Variants in GRIP1 observed in about 807,000 individuals in gnomAD.
GRIP1 encodes the protein glutamate receptor interacting protein 1.
GRIP1 carries 45 observed loss-of-function variants against 129.9 expected under a neutral mutation model. The ratio of observed to expected loss-of-function variants is 0.35; its 90% CI spans 0.27 to 0.44. GRIP1 has a LOEUF of 0.44. GRIP1 is among the 20% of genes least tolerant of loss of function. GRIP1 has a pLI of 1.00. For synonymous variants in GRIP1, 530 were observed against 520.8 expected, an observed-to-expected ratio of 1.02 and a Z score of -0.24; for missense variants, 1,196 against 1,396.8, an observed-to-expected ratio of 0.86 and a Z score of 2.29.
At chr12:66,681,325 C>A (rs1405654901), upstream of GRIP1, among the ~76,000 whole-genome samples, 4 of 152,152 alleles carry the variant, frequency 2.6e-5, no homozygotes, top group African/African-American at 9.7e-5. Flanking sequence ...AACCTTCTTG[C>A]CCTAAACCCT....
At chr12:66,524,884 A>G (rs1364709341) in intron 5 of GRIP1, among the ~76,000 whole-genome samples, 1 of 152,250 alleles carries the variant, frequency 6.6e-6, no homozygotes, top group Non-Finnish European at 1.5e-5. Context: ...AACTACCATC[A>G]GAGAATACTA....
chr12:66,626,475 T>C (rs2030065327), intron 1 of GRIP1: 1 of 152,050 alleles, frequency 6.6e-6, no homozygotes, highest in South Asian at 2.1e-4. Context: ...GCACAACAAA[T>C]AGTATAGTAT....
At chr12:66,830,480 C>T (rs2039496882) in intron 1 of GRIP1, among the ~76,000 whole-genome samples, 1 of 152,110 alleles carries the variant, frequency 6.6e-6, no homozygotes, top group African/African-American at 2.4e-5. Flanking sequence ...AAAGAGGAGG[C>T]ATGCAGGCAG....
intron 13 of GRIP1, among the ~76,000 whole-genome samples, chr12:66,437,799 C>A (rs1468880819): frequency 2.0e-5 from 3 of 152,128 alleles, no homozygotes; most frequent in African/African-American, 2.4e-5. Flanking sequence ...CACCTCCCTG[C>A]AACAAAGAAT....
chr12:66,828,933 C>T (rs200253012), intron 1 of GRIP1, among the ~76,000 whole-genome samples: 12 of 152,078 alleles, frequency 7.9e-5, no homozygotes, highest in South Asian at 4.2e-4. Flanking sequence ...GCCAATGGTC[C>T]GACATTTAGC....
chr12:66,604,887 A>T (rs1316134779), intron 1 of GRIP1, among the ~76,000 whole-genome samples: 1 of 150,924 alleles, frequency 6.6e-6, no homozygotes, highest in Non-Finnish European at 1.5e-5. Context: ...ACAGGTATAA[A>T]CTTGCTAGAA....
At chr12:66,796,881 A>G (rs1275631777) in intron 1 of GRIP1, among the ~76,000 whole-genome samples, 1 of 152,202 alleles carries the variant, frequency 6.6e-6, no homozygotes, top group Non-Finnish European at 1.5e-5. Flanking sequence ...ATCTCATACT[A>G]TTTTGAGCCA....
intron 1 of GRIP1, among the ~76,000 whole-genome samples, chr12:66,640,051 T>G (rs2031784434): frequency 1.3e-5 from 2 of 152,186 alleles, no homozygotes; most frequent in South Asian, 4.1e-4. Context: ...CTACTTGGTC[T>G]TCAAAATTCA....
At chr12:67,020,957 G>T (rs919749863) in intron 1 of GRIP1, among the ~76,000 whole-genome samples, 70 of 151,932 alleles carry the variant, frequency 4.6e-4, no homozygotes, top group African/African-American at 1.6e-3. Flanking sequence ...ATTTAGCCAG[G>T]CATGGTGGTG....
intron 7 of GRIP1, among the ~76,000 whole-genome samples, chr12:66,504,214 G>A (rs1366348811): frequency 6.6e-6 from 1 of 152,096 alleles, no homozygotes; most frequent in Non-Finnish European, 1.5e-5. Context: ...TAAATACAAA[G>A]TCTCTCTTTT....
intron 7 of GRIP1, among the ~76,000 whole-genome samples, chr12:66,465,671 C>T (rs936939306): frequency 1.2e-4 from 18 of 152,180 alleles, no homozygotes; most frequent in African/African-American, 3.6e-4. Context: ...AGATTTTAAG[C>T]TTCATGTCAC....
intron 1 of GRIP1, among the ~76,000 whole-genome samples, chr12:66,836,941 GT>G (rs1006441964): frequency 1.8e-4 from 28 of 152,146 alleles, no homozygotes; most frequent in African/African-American, 6.3e-4. Flanking sequence ...TCATGTTGTT[GT>G]TTTTTTCCCT....
At chr12:66,580,905 G>C (rs2063349969) in intron 2 of GRIP1, among the ~76,000 whole-genome samples, 1 of 151,942 alleles carries the variant, frequency 6.6e-6, no homozygotes, top group African/African-American at 2.4e-5. Context: ...GCATCAAGCG[G>C]ACCTAATAGA....
At chr12:66,542,000 A>G (rs1033647200) in intron 2 of GRIP1, 50 bp from the exon 3 acceptor site, 4 of 1,535,780 alleles carry the variant, frequency 2.6e-6, no homozygotes, top group Admixed American at 1.7e-5. Flanking sequence ...AGAATCACCA[A>G]TGTCATTTCT....
intron 1 of GRIP1, among the ~76,000 whole-genome samples, chr12:66,656,894 C>T (rs2033190971): frequency 6.6e-6 from 1 of 152,058 alleles, no homozygotes; most frequent in Non-Finnish European, 1.5e-5. Flanking sequence ...AGTATTTAGT[C>T]TCACTTGGTT....
intron 1 of GRIP1, among the ~76,000 whole-genome samples, chr12:66,718,237 A>G (rs749984801): frequency 1.3e-5 from 2 of 152,106 alleles, no homozygotes; most frequent in South Asian, 2.1e-4. Flanking sequence ...CACTGGATAC[A>G]TAAGTTGAGG....
At chr12:66,627,569 T>G (rs948817937) in intron 1 of GRIP1, among the ~76,000 whole-genome samples, 1 of 152,206 alleles carries the variant, frequency 6.6e-6, no homozygotes, top group Non-Finnish European at 1.5e-5. Flanking sequence ...CATTTCTCCC[T>G]TTTCTTCTAA....
chr12:66,711,989 A>C (rs2035728112), intron 1 of GRIP1, among the ~76,000 whole-genome samples: 1 of 151,994 alleles, frequency 6.6e-6, no homozygotes, highest in Non-Finnish European at 1.5e-5. Context: ...GTGAAAAATA[A>C]ACTGAATTTA....
chr12:66,485,810 CT>C (rs147668461), intron 7 of GRIP1, among the ~76,000 whole-genome samples: 8,737 of 151,950 alleles, frequency 0.057, 659 homozygotes, highest in African/African-American at 0.17. Context: ...GAAAGGGCTA[CT>C]TTTTTTCTCA....
Sources: gnomAD v4.1 joint callset for allele counts (sites outside exome capture counted in the v4.1 genomes callset) on GRCh38, gnomAD v4.1.1 for gene constraint, MANE v1.5 for transcripts, NCBI Gene and HGNC (gene_info 2026-07-23, HGNC 2026-07-21) for gene names.